Variants in NDUFA12 observed in about 807,000 individuals in gnomAD.
NDUFA12 encodes NADH dehydrogenase [ubiquinone] 1 alpha subcomplex subunit 12.
A neutral mutation model predicts 20.3 loss-of-function variants in NDUFA12; 17 were observed. That is an observed-to-expected ratio of 0.84 (90% CI 0.57 to 1.26). NDUFA12 has a LOEUF of 1.26. NDUFA12 is among the 50% of genes most tolerant of loss of function. NDUFA12 has a pLI of 0.00. For missense variants in NDUFA12, 191 were observed against 183.7 expected (o/e 1.04, Z -0.23); for synonymous variants, 72 against 63.6 (o/e 1.13, Z -0.63).
intron 3 of NDUFA12, among the ~76,000 whole-genome samples, chr12:94,985,291 C>T (rs1311859269): frequency 6.6e-6 from 1 of 151,902 alleles, no homozygotes; most frequent in Non-Finnish European, 1.5e-5. Flanking sequence ...CACCACTGTA[C>T]TTTTGCCTGG....
chr12:94,986,674 C>T (rs1165388653), intron 3 of NDUFA12, among the ~76,000 whole-genome samples: 1 of 152,046 alleles, frequency 6.6e-6, no homozygotes, highest in Non-Finnish European at 1.5e-5. Flanking sequence ...CCCCTGTAGT[C>T]CCAGCTACTT....
intron 3 of NDUFA12, among the ~76,000 whole-genome samples, chr12:94,983,923 C>A (rs1192826139): frequency 1.3e-5 from 2 of 150,550 alleles, no homozygotes; most frequent in African/African-American, 4.9e-5. Context: ...GAGGGTGTTG[C>A]GGTAGCCCAG....
chr12:95,001,336 G>C (rs1395655433), intron 2 of NDUFA12, among the ~76,000 whole-genome samples: 1 of 151,052 alleles, frequency 6.6e-6, no homozygotes, highest in Non-Finnish European at 1.5e-5. Context: ...CAAAAATGCT[G>C]TGGCCAGGCA....
At chr12:94,979,849 A>AAT (rs1555200215) in intron 3 of NDUFA12, among the ~76,000 whole-genome samples, 35 of 151,406 alleles carry the variant, frequency 2.3e-4, no homozygotes. Flanking sequence ...AAAAAAAAAA[A>AAT]GGATTAATGG....
rs79290286 is a variant in NDUFA12 at position 95,003,095 on chromosome 12, A to T, written c.87-274T>A. 1.9e-3 allele frequency among the ~76,000 whole-genome samples: 293 copies of T among 152,342 alleles called. 3 individuals are homozygous for T. Among genetic ancestry groups the T allele is most frequent in the African/African-American group, 6.7e-3 (277 of 41,574 alleles). On this transcript the variant is annotated intron_variant, in intron 1 of 3. Transcript: ENST00000327772. ...GAATTAGCAAAACCTTTAGGAAATC[A>T]AAAAGCCAAAGTATTTCATCTTCTT...
intron 2 of NDUFA12, among the ~76,000 whole-genome samples, chr12:94,997,759 A>C (rs1477813582): frequency 6.6e-6 from 1 of 152,144 alleles, no homozygotes; most frequent in African/African-American, 2.4e-5. Context: ...AAAAAACCTA[A>C]AATCTGAAAT....
intron 3 of NDUFA12, among the ~76,000 whole-genome samples, chr12:94,992,840 A>G (rs555683137): frequency 1.3e-5 from 2 of 152,314 alleles, no homozygotes; most frequent in African/African-American, 2.4e-5. Flanking sequence ...TCAGACATCT[A>G]GGAGCAGAGA....
chr12:94,993,795 G>A (rs567224557), intron 3 of NDUFA12, among the ~76,000 whole-genome samples: 132 of 151,826 alleles, frequency 8.7e-4, no homozygotes, highest in African/African-American at 3.0e-3. Context: ...TTAGCCAGGC[G>A]TGGTGGCTCA....
chr12:94,988,853 A>G (rs1346544769), intron 3 of NDUFA12, among the ~76,000 whole-genome samples: 1 of 152,288 alleles, frequency 6.6e-6, no homozygotes, highest in Admixed American at 6.5e-5. Flanking sequence ...GTTGCTCCAC[A>G]CTGCCATGTT....
chr12:95,001,863 T>C (rs1490054378), intron 2 of NDUFA12, among the ~76,000 whole-genome samples: 2 of 151,740 alleles, frequency 1.3e-5, no homozygotes, highest in Non-Finnish European at 2.9e-5. Context: ...CGCCACCACA[T>C]CCAGCTAATT....
intron 3 of NDUFA12, among the ~76,000 whole-genome samples, 189 bp downstream of exon 3, chr12:94,993,981 G>A (rs1874735896): frequency 6.6e-6 from 1 of 151,600 alleles, no homozygotes; most frequent in Non-Finnish European, 1.5e-5. Flanking sequence ...AAAATTATCC[G>A]GGTGAGATGG....
intron 3 of NDUFA12, among the ~76,000 whole-genome samples, chr12:94,981,434 C>T (rs1205177577): frequency 6.6e-6 from 1 of 152,118 alleles, no homozygotes. Flanking sequence ...GGTGATAGAG[C>T]GAGACACTGC....
intron 3 of NDUFA12, among the ~76,000 whole-genome samples, chr12:94,981,031 G>A (rs76644506): frequency 9.9e-4 from 150 of 151,188 alleles, no homozygotes; most frequent in Non-Finnish European, 1.9e-3. Context: ...CTGTGTAGAC[G>A]GTGGCAATTA....
At chr12:94,989,748 T>C (rs893231073) in intron 3 of NDUFA12, among the ~76,000 whole-genome samples, 5 of 152,242 alleles carry the variant, frequency 3.3e-5, no homozygotes, top group African/African-American at 1.2e-4. Context: ...TAAAAGGACT[T>C]GCTCCACTGA....
chr12:94,992,794 T>G lies in NDUFA12; in HGVS notation c.257+1376A>C, dbSNP rs543492692. Reference sequence around the variant, plus strand: ...AACAAGTTTTCAGATGATTCCAGTGTCCAGACTTGGAGTCTTCCAGCTGAG... The same window carrying G: ...AACAAGTTTTCAGATGATTCCAGTGGCCAGACTTGGAGTCTTCCAGCTGAG... On this transcript the variant is annotated intron_variant, in intron 3 of 3. Coordinates refer to ENST00000327772, the MANE Select transcript of NDUFA12 (RefSeq NM_018838.5). Among the ~76,000 whole-genome samples the G allele has an allele frequency of 2.6e-5, 4 of 152,218 alleles. No homozygotes were observed. In the East Asian group the frequency reaches 7.7e-4, roughly 29 times the overall value.
In NDUFA12 at chr12:94,976,905, T is replaced by C. The variant is rs1177457207; in HGVS notation, c.258-5285A>G. 5.3e-5 allele frequency among the ~76,000 whole-genome samples: 8 copies of C among 152,200 alleles called. No individual in the cohort carries two copies. In the South Asian group the frequency reaches 1.7e-3, roughly 32 times the overall value. On this transcript the variant is annotated intron_variant, in intron 3 of 3. Coordinates refer to ENST00000327772, the MANE Select transcript of NDUFA12 (RefSeq NM_018838.5). ...GTAAAATGTTAGAATCAATATTAAATGAAGCAATGAATACTCAGTGAAATG... is the reference window on the plus strand; with the variant it reads ...GTAAAATGTTAGAATCAATATTAAACGAAGCAATGAATACTCAGTGAAATG...
At chr12:94,978,122 C>T (rs936246213) in intron 3 of NDUFA12, among the ~76,000 whole-genome samples, 1 of 152,210 alleles carries the variant, frequency 6.6e-6, no homozygotes, top group Non-Finnish European at 1.5e-5. Flanking sequence ...CATAACGCCT[C>T]GCAGAGCATG....
intron 3 of NDUFA12, among the ~76,000 whole-genome samples, chr12:94,988,753 G>A (rs1305360691): frequency 6.6e-6 from 1 of 152,126 alleles, no homozygotes; most frequent in Admixed American, 6.5e-5. Flanking sequence ...GTTTACAGGA[G>A]ACTATAAAAC....
intron 3 of NDUFA12, among the ~76,000 whole-genome samples, chr12:94,975,798 T>C (rs1420472983): frequency 6.6e-6 from 1 of 152,140 alleles, no homozygotes; most frequent in African/African-American, 2.4e-5. Flanking sequence ...CCTGTAATCC[T>C]AGCACTTCTG....
Sources: gnomAD v4.1 joint callset for allele counts (sites outside exome capture counted in the v4.1 genomes callset) on GRCh38, gnomAD v4.1.1 for gene constraint, MANE v1.5 for transcripts, NCBI Gene and HGNC (gene_info 2026-07-23, HGNC 2026-07-21) for gene names.